Variants in TGFB2 observed in about 807,000 individuals in gnomAD.
TGFB2 encodes transforming growth factor beta 2.
In TGFB2, 13 loss-of-function variants were observed where a neutral mutation model predicts 42.7. The ratio of observed to expected loss-of-function variants is 0.30; its 90% CI spans 0.20 to 0.48. The LOEUF (loss-of-function observed/expected upper bound fraction) is 0.48. Ranked by LOEUF, TGFB2 falls within the 20% of genes least tolerant of loss-of-function variation. The pLI, the probability that TGFB2 is intolerant of heterozygous loss-of-function variation, is 0.99. For synonymous variants in TGFB2, 193 were observed against 193.6 expected (o/e 1.00, Z 0.03); for missense variants, 390 against 517.5 (o/e 0.75, Z 2.39).
intron 2 of TGFB2, among the ~76,000 whole-genome samples, chr1:218,428,880 C>T (rs768860473): frequency 1.2e-4 from 18 of 151,548 alleles, no homozygotes; most frequent in African/African-American, 3.9e-4. Context: ...AAGAAAGCCA[C>T]TGGTAGCTTG....
chr1:218,437,918 AATG>A (rs754733510), intron 6 of TGFB2, among the ~76,000 whole-genome samples: 1 of 152,208 alleles, frequency 6.6e-6, no homozygotes, highest in Non-Finnish European at 1.5e-5. Flanking sequence ...TACAATGTGT[AATG>A]ATGAAATCAG....
chr1:218,425,622 G>T lies in TGFB2; in HGVS notation c.511-8460G>T, dbSNP rs545771062. The stretch of plus-strand genomic sequence containing the variant: ...GTTCAAATATTTGAAAAACTACAAT[G>T]GTTGTACAAATATGAGGCAATGGCG... On this transcript the variant is annotated intron_variant, in intron 2 of 6. Transcript: ENST00000366930. Among the ~76,000 whole-genome samples the T allele has an allele frequency of 6.6e-5, 10 of 152,304 alleles. No homozygotes were observed. The South Asian group carries it at 2.1e-3, about 32-fold the overall frequency.
At chr1:218,407,180 C>T (rs1457889179) in intron 2 of TGFB2, among the ~76,000 whole-genome samples, 2 of 152,198 alleles carry the variant, frequency 1.3e-5, no homozygotes, top group Admixed American at 6.5e-5. Context: ...TCACTGCACC[C>T]TCAACTTCCA....
At chr1:218,347,281 G>T (rs1656719157) in intron 1 of TGFB2, among the ~76,000 whole-genome samples, 1 of 152,000 alleles carries the variant, frequency 6.6e-6, no homozygotes, top group Admixed American at 6.5e-5. Context: ...CTAACAATTC[G>T]GTGCTTTAAA....
chr1:218,435,265 G>T (rs1659934818), intron 4 of TGFB2, among the ~76,000 whole-genome samples: 1 of 152,166 alleles, frequency 6.6e-6, no homozygotes, highest in Non-Finnish European at 1.5e-5. Flanking sequence ...ACTCCCAGAG[G>T]TCTAGAGATT....
chr1:218,356,282 A>G (rs1193886185), intron 1 of TGFB2, among the ~76,000 whole-genome samples: 2 of 151,942 alleles, frequency 1.3e-5, no homozygotes, highest in Non-Finnish European at 2.9e-5. Flanking sequence ...AGTGGCACAG[A>G]CATGGCTCAC....
At chr1:218,385,418 C>A (rs1658100865) in intron 1 of TGFB2, among the ~76,000 whole-genome samples, 1 of 152,240 alleles carries the variant, frequency 6.6e-6, no homozygotes, top group Non-Finnish European at 1.5e-5. Context: ...CACCGGTTCA[C>A]AGAGCACAGA....
At chr1:218,355,656 C>T (rs78048374) in intron 1 of TGFB2, among the ~76,000 whole-genome samples, 3,916 of 152,276 alleles carry the variant, frequency 0.026, 147 homozygotes, top group African/African-American at 0.089. Flanking sequence ...AGAACATCGA[C>T]TTTCTAGGGG....
intron 2 of TGFB2, among the ~76,000 whole-genome samples, chr1:218,426,127 A>G (rs1458549974): frequency 6.6e-6 from 1 of 152,226 alleles, no homozygotes. Flanking sequence ...ACAGCACTAT[A>G]GTTAAATTCC....
At position 218,400,217 on chromosome 1, in the gene TGFB2, CA is replaced by C. The variant is rs558189521; in HGVS notation, c.347-4941del. Among the ~76,000 whole-genome samples the C allele has an allele frequency of 8.3e-4, 117 of 140,244 alleles. 1 individual carries two copies. Among genetic ancestry groups the C allele is most frequent in the South Asian group, 4.5e-3 (20 of 4,442 alleles). 92.0% of individuals were successfully genotyped at this position (140,244 alleles called of 152,430 possible). A position where few individuals can be genotyped will look rare whatever the true frequency, so the allele number is the denominator to read the frequency against. On this transcript the variant is annotated intron_variant, in intron 1 of 6. Coordinates refer to ENST00000366930, the MANE Select transcript of TGFB2 (RefSeq NM_003238.6). ...ATATGAAAATATGGGGTCTCTTGTT[CA>C]AAAAAAAAAAGAAAAGGAGTACTAT...
intron 1 of TGFB2, among the ~76,000 whole-genome samples, chr1:218,382,749 A>T (rs1271452046): frequency 6.6e-6 from 1 of 152,174 alleles, no homozygotes; most frequent in Non-Finnish European, 1.5e-5. Flanking sequence ...CTTGTGATGA[A>T]TCGGCCAGTC....
intron 1 of TGFB2, among the ~76,000 whole-genome samples, chr1:218,361,925 T>A (rs1657224576): frequency 6.6e-6 from 1 of 152,216 alleles, no homozygotes. Flanking sequence ...GATAGCAGTA[T>A]GTGCTTATAG....
intron 2 of TGFB2, among the ~76,000 whole-genome samples, chr1:218,418,482 C>T (rs1659351535): frequency 6.6e-6 from 1 of 152,186 alleles, no homozygotes; most frequent in African/African-American, 2.4e-5. Context: ...GCAGAAGGGA[C>T]TTGCCTTGTC....
At chr1:218,383,128 G>A (rs147491912) in intron 1 of TGFB2, among the ~76,000 whole-genome samples, 7 of 152,306 alleles carry the variant, frequency 4.6e-5, no homozygotes, top group African/African-American at 9.6e-5. Context: ...AATTCCCAAC[G>A]AAGAGGAAAG....
rs74143050 is a variant in TGFB2, at chr1:218,363,550, A to G, written c.346+16503A>G. On this transcript the variant is annotated intron_variant, in intron 1 of 6. Coordinates refer to ENST00000366930, the MANE Select transcript of TGFB2 (RefSeq NM_003238.6). The stretch of plus-strand genomic sequence containing the variant: ...AATGCAGCCTTGTACCTGAGCGATC[A>G]CAAAGGTGCCTAGAATTTTTTTTAG... 9.4e-6 allele frequency: 8 copies of G among 848,794 alleles called. No homozygotes were observed. In the African/African-American group the frequency reaches 1.4e-4, roughly 14 times the overall value. 52.6% of individuals were successfully genotyped at this position (848,794 alleles called of 1,614,324 possible). A position where few individuals can be genotyped will look rare whatever the true frequency, so the allele number is the denominator to read the frequency against.
At chr1:218,438,979 G>C (rs890733952) in intron 6 of TGFB2, among the ~76,000 whole-genome samples, 1 of 151,876 alleles carries the variant, frequency 6.6e-6, no homozygotes, top group African/African-American at 2.4e-5. Flanking sequence ...CATGGTGGCG[G>C]GTGCCTGCAA....
intron 1 of TGFB2, among the ~76,000 whole-genome samples, chr1:218,387,598 G>T (rs77500870): frequency 1.4e-3 from 207 of 150,934 alleles, no homozygotes; most frequent in African/African-American, 4.6e-3. Flanking sequence ...CCGAGGCCTG[G>T]GAAGTTGATG....
At chr1:218,387,744 C>T (rs1658185010) in intron 1 of TGFB2, among the ~76,000 whole-genome samples, 1 of 152,190 alleles carries the variant, frequency 6.6e-6, no homozygotes, top group Non-Finnish European at 1.5e-5. Flanking sequence ...AGGCCTGTTC[C>T]CACCTGACCT....
chr1:218,390,033 C>T (rs1658269633), intron 1 of TGFB2, among the ~76,000 whole-genome samples: 1 of 152,172 alleles, frequency 6.6e-6, no homozygotes, highest in Non-Finnish European at 1.5e-5. Context: ...ATGTACCACT[C>T]CACTATGGTG....
Sources: gnomAD v4.1 joint callset for allele counts (sites outside exome capture counted in the v4.1 genomes callset) on GRCh38, gnomAD v4.1.1 for gene constraint, MANE v1.5 for transcripts, NCBI Gene and HGNC (gene_info 2026-07-23, HGNC 2026-07-21) for gene names.